ARB2A: variants seen among roughly 807,000 people sequenced by gnomAD.
ARB2A encodes cotranscriptional regulator ARB2A.
the ARB2A span, among the ~76,000 whole-genome samples, chr5:93,875,200 T>C: frequency 6.6e-6 from 1 of 151,998 alleles, no homozygotes; most frequent in African/African-American, 2.4e-5. Context: ...CTATATTAAA[T>C]GGAAGAGCTG....
the ARB2A span, among the ~76,000 whole-genome samples, chr5:93,925,100 TC>T: frequency 2.0e-5 from 3 of 151,828 alleles, no homozygotes; most frequent in Non-Finnish European, 2.9e-5. Context: ...ACTTAGCATT[TC>T]CCCCCATAGA....
At chr5:94,025,422 T>C in the ARB2A span, among the ~76,000 whole-genome samples, 3 of 152,202 alleles carry the variant, frequency 2.0e-5, no homozygotes, top group East Asian at 5.8e-4. Context: ...TCCTATCATA[T>C]TAGTACCCGA....
At chr5:93,901,512 G>A in the ARB2A span, among the ~76,000 whole-genome samples, 1 of 152,044 alleles carries the variant, frequency 6.6e-6, no homozygotes, top group East Asian at 1.9e-4. Context: ...TATACCATAA[G>A]GGCCTATATT....
At chr5:93,980,181 C>T in the ARB2A span, among the ~76,000 whole-genome samples, 1 of 152,106 alleles carries the variant, frequency 6.6e-6, no homozygotes, top group Non-Finnish European at 1.5e-5. Context: ...AGCTCTTTAG[C>T]AAAAGGTAAA....
chr5:93,898,429 T>C, the ARB2A span, among the ~76,000 whole-genome samples: 2 of 152,058 alleles, frequency 1.3e-5, no homozygotes, highest in African/African-American at 4.8e-5. Context: ...TGTATCTTCT[T>C]TTGTTTGATG....
At chr5:93,882,153 A>T in the ARB2A span, among the ~76,000 whole-genome samples, 7 of 151,278 alleles carry the variant, frequency 4.6e-5, no homozygotes, top group Admixed American at 4.0e-4. Flanking sequence ...AGCATTTTTT[A>T]TTTGTCTGAA....
the ARB2A span, chr5:93,804,841 T>C: frequency 1.4e-6 from 1 of 720,338 alleles, no homozygotes; most frequent in African/African-American, 1.9e-5. Flanking sequence ...TTTGATTATT[T>C]TGAAAAATTT....
chr5:93,629,468 A>T, the ARB2A span, among the ~76,000 whole-genome samples: 3 of 152,308 alleles, frequency 2.0e-5, no homozygotes, highest in South Asian at 6.2e-4. Context: ...CAATTTGTAA[A>T]CAATGCAATA....
chr5:93,667,871 C>T, the ARB2A span, among the ~76,000 whole-genome samples: 1 of 152,128 alleles, frequency 6.6e-6, no homozygotes, highest in African/African-American at 2.4e-5. Flanking sequence ...GTGAATTTCA[C>T]TGCCAAAAGA....
At chr5:93,697,921 A>C in the ARB2A span, among the ~76,000 whole-genome samples, 1 of 152,186 alleles carries the variant, frequency 6.6e-6, no homozygotes, top group Non-Finnish European at 1.5e-5. Context: ...TTTAGGGTTT[A>C]ACCCTTTTAT....
the ARB2A span, among the ~76,000 whole-genome samples, chr5:93,822,363 T>G: frequency 6.6e-6 from 1 of 152,210 alleles, no homozygotes; most frequent in African/African-American, 2.4e-5. Flanking sequence ...ACTGGTCATC[T>G]GTTAACTCTG....
chr5:93,642,135 C>T, the ARB2A span, among the ~76,000 whole-genome samples: 1 of 152,010 alleles, frequency 6.6e-6, no homozygotes, highest in African/African-American at 2.4e-5. Flanking sequence ...CATGCACCAC[C>T]ATGCCTGGCT....
chr5:93,767,810 C>T, the ARB2A span, among the ~76,000 whole-genome samples: 2 of 151,418 alleles, frequency 1.3e-5, no homozygotes, highest in East Asian at 2.0e-4. Context: ...CTGGCTAACA[C>T]GGCAAAACCC....
At chr5:94,082,296 C>T in the ARB2A span, among the ~76,000 whole-genome samples, 3 of 152,148 alleles carry the variant, frequency 2.0e-5, no homozygotes, top group Admixed American at 2.0e-4. Flanking sequence ...ATCCCAATCC[C>T]ACCCAATTTC....
At chr5:93,881,572 T>G in the ARB2A span, 3 of 1,611,226 alleles carry the variant, frequency 1.9e-6, no homozygotes, top group Admixed American at 5.0e-5. Flanking sequence ...TATCTTTTCT[T>G]TCCCGTTTTT....
At chr5:93,812,061 T>A in the ARB2A span, among the ~76,000 whole-genome samples, 1 of 152,176 alleles carries the variant, frequency 6.6e-6, no homozygotes, top group Non-Finnish European at 1.5e-5. Context: ...TCTGAGAATC[T>A]ACTGTGAGAT....
At chr5:94,108,806 G>A in the ARB2A span, among the ~76,000 whole-genome samples, 1 of 152,150 alleles carries the variant, frequency 6.6e-6, no homozygotes, top group Admixed American at 6.5e-5. Flanking sequence ...TTGCTGGTGG[G>A]AATGTAAAAT....
chr5:93,930,404 C>T, the ARB2A span, among the ~76,000 whole-genome samples: 1 of 152,182 alleles, frequency 6.6e-6, no homozygotes, highest in Admixed American at 6.5e-5. Flanking sequence ...GTGTATAATA[C>T]TCCTGAGCCC....
the ARB2A span, among the ~76,000 whole-genome samples, chr5:93,909,984 A>T: frequency 2.7e-5 from 4 of 150,932 alleles, no homozygotes; most frequent in South Asian, 2.1e-4. Flanking sequence ...TAGGAATTAT[A>T]AAAAAATCTA....
Sources: allele counts gnomAD v4.1 joint callset (sites outside exome capture counted in the v4.1 genomes callset), GRCh38; gene constraint gnomAD v4.1.1; transcripts MANE v1.5; gene names NCBI Gene and HGNC (gene_info 2026-07-23, HGNC 2026-07-21).